ABI3BP: variants seen among roughly 807,000 people sequenced by gnomAD.
ABI3BP encodes target of Nesh-SH3.
Under a neutral mutation model 268.6 loss-of-function variants are expected in ABI3BP, and 216 were observed. The observed-to-expected ratio is 0.80, with a 90% CI of 0.72 to 0.90. ABI3BP has a LOEUF of 0.90. Among genes scored for constraint, ABI3BP ranks in the 40% least tolerant of loss-of-function variants. The pLI is 0.00. For missense variants in ABI3BP, 2,090 were observed against 2,182.4 expected (o/e 0.96, Z 0.84); for synonymous variants, 730 against 730.0 (o/e 1.00, Z 0.00).
chr3:100,825,901 T>C (rs892856571), intron 34 of ABI3BP, 57 bp from the exon 35 acceptor site: 1 of 1,283,110 alleles, frequency 7.8e-7, no homozygotes, highest in Non-Finnish European at 1.1e-6. Context: ...GCTATAGTAT[T>C]CACATCAAAA....
chr3:100,793,922 T>C (rs1336578862), intron 54 of ABI3BP, among the ~76,000 whole-genome samples: 1 of 152,020 alleles, frequency 6.6e-6, no homozygotes, highest in Non-Finnish European at 1.5e-5. Flanking sequence ...TGTGTTGAAC[T>C]CCTTGAAAGC....
rs2149206676 is a variant in ABI3BP at position 100,751,567 on chromosome 3, A to G, written c.5230T>C (p.Leu1744=). The G allele has an allele frequency of 1.3e-6, 2 of 1,590,474 alleles. No individual in the cohort carries two copies. The highest frequency in any genetic ancestry group is 1.7e-6 in the Non-Finnish European group (2 of 1,167,186). Residue 1744 remains leucine, a synonymous_variant, in exon 67 of 68, where the codon TTA becomes CTA. Transcript: ENST00000471714. ...GAAAACATACCTTCTTTGATTGGTA[A>G]CTGGTCAGAAGTGAGTTGCTGCCCA... is the stretch of plus-strand genomic sequence containing the variant. The part of the protein sequence containing the change: ...RTGQQLTSDQ[L]PIKEGYFRAV...
At chr3:100,757,874 A>G (rs2149424343) in intron 63 of ABI3BP, among the ~76,000 whole-genome samples, 1 of 152,302 alleles carries the variant, frequency 6.6e-6, no homozygotes, top group Non-Finnish European at 1.5e-5. Context: ...AGCAACAGGG[A>G]GGAGATGCTT....
At chr3:100,974,332 A>AC (rs2085054207) in intron 1 of ABI3BP, among the ~76,000 whole-genome samples, 1 of 152,236 alleles carries the variant, frequency 6.6e-6, no homozygotes, top group African/African-American at 2.4e-5. Context: ...TTTTATTCAT[A>AC]TTGGCCCCAA....
At chr3:100,786,136 C>T (rs2097035196) in intron 57 of ABI3BP, among the ~76,000 whole-genome samples, 1 of 152,122 alleles carries the variant, frequency 6.6e-6, no homozygotes, top group Admixed American at 6.6e-5. Flanking sequence ...GGCAGCAAGT[C>T]CTTCCTTGAC....
At chr3:100,907,618 A>C (rs2054038144) in intron 2 of ABI3BP, among the ~76,000 whole-genome samples, 1 of 152,184 alleles carries the variant, frequency 6.6e-6, no homozygotes, top group Non-Finnish European at 1.5e-5. Flanking sequence ...CAAGAGAGGA[A>C]AATGTTCAAA....
At chr3:100,858,382 G>T (rs946295701) in intron 14 of ABI3BP, among the ~76,000 whole-genome samples, 3 of 152,168 alleles carry the variant, frequency 2.0e-5, no homozygotes, top group Non-Finnish European at 4.4e-5. Flanking sequence ...TATATTTGAT[G>T]ACTACACATC....
intron 10 of ABI3BP, among the ~76,000 whole-genome samples, chr3:100,865,262 A>G (rs1055914156): frequency 2.0e-5 from 3 of 152,224 alleles, no homozygotes; most frequent in Non-Finnish European, 4.4e-5. Flanking sequence ...ATTACTTTTT[A>G]AATCATTTAT....
chr3:100,859,856 A>G (rs1455801090), intron 14 of ABI3BP, among the ~76,000 whole-genome samples: 4 of 152,174 alleles, frequency 2.6e-5, no homozygotes, highest in Non-Finnish European at 5.9e-5. Flanking sequence ...TACTGGTACC[A>G]TGTAAAAACA....
chr3:100,772,754 G>A (rs1324517151), intron 61 of ABI3BP, among the ~76,000 whole-genome samples: 1 of 152,116 alleles, frequency 6.6e-6, no homozygotes, highest in Non-Finnish European at 1.5e-5. Context: ...AATATCAATA[G>A]CCATATTAAA....
At chr3:100,806,266 A>C (rs1428872199) in intron 50 of ABI3BP, among the ~76,000 whole-genome samples, 2 of 152,092 alleles carry the variant, frequency 1.3e-5, no homozygotes, top group African/African-American at 4.8e-5. Flanking sequence ...AGTTGTAAAT[A>C]CTATTGTTAG....
intron 9 of ABI3BP, among the ~76,000 whole-genome samples, chr3:100,868,905 A>G (rs887023285): frequency 2.0e-5 from 3 of 152,158 alleles, no homozygotes; most frequent in African/African-American, 7.2e-5. Flanking sequence ...TTGTCAACAC[A>G]GAAAAAAATT....
chr3:100,823,493 G>T lies in ABI3BP; in HGVS notation c.2768C>A (p.Pro923His), dbSNP rs1389475875. The change falls in exon 37 of 68, where the codon CCT becomes CAT. Residue 923 changes from proline (P) to histidine (H), a missense_variant. By Grantham distance (77) the Pro-to-His change is moderately conservative. Coordinates refer to ENST00000471714, the MANE Select transcript of ABI3BP (RefSeq NM_001375547.2). ...TGAGGCCTCAGGTCTAAGAGTGACA[G>T]GTTCTAGGACTGTAGCAGGAACTGA... is the stretch of plus-strand genomic sequence containing the variant. Reference protein sequence around the residue: ...TKPVPATVLEPVTLRPEASTT... With the variant: ...TKPVPATVLEHVTLRPEASTT... The T allele has an allele frequency of 1.3e-6, 2 of 1,534,832 alleles. No homozygotes were observed. The highest frequency in any genetic ancestry group is 1.7e-6 in the Non-Finnish European group (2 of 1,146,264).
chr3:100,823,447 A>G lies in ABI3BP; in HGVS notation c.2803+11T>C, dbSNP rs562865949. 8 of 1,530,888 alleles carry G rather than the reference A, an allele frequency of 5.2e-6. No individual in the cohort carries two copies. The highest frequency in any genetic ancestry group is 7.0e-6 in the Non-Finnish European group (8 of 1,144,126). The allele number at this position is 1,530,888 out of a possible 1,614,324, so 94.8% of individuals were successfully genotyped here. A position where few individuals can be genotyped will look rare whatever the true frequency, so the allele number is the denominator to read the frequency against. On this transcript the variant is annotated intron_variant, in intron 37 of 67. Coordinates refer to ENST00000471714, the MANE Select transcript of ABI3BP (RefSeq NM_001375547.2). ...AAAAGAAGCTTGTCGAAAACACTGTATCAACGTTACCTAATGTTGTTGAGG... is the reference window on the plus strand; with the variant it reads ...AAAAGAAGCTTGTCGAAAACACTGTGTCAACGTTACCTAATGTTGTTGAGG...
intron 49 of ABI3BP, 56 bp downstream of exon 49, chr3:100,810,356 T>C (rs543365172): frequency 7.0e-7 from 1 of 1,428,722 alleles, no homozygotes; most frequent in South Asian, 1.2e-5. Flanking sequence ...GAGGTGACCA[T>C]ACTGACATTC....
Position 100,840,819 on chromosome 3 carries a change from C to A in ABI3BP, c.1804+1G>T, listed in dbSNP as rs766527487. 48 of 1,534,422 alleles carry A rather than the reference C, an allele frequency of 3.1e-5. No individual in the cohort carries two copies. The highest frequency in any genetic ancestry group is 4.0e-5 in the Non-Finnish European group (46 of 1,145,804). On this transcript the variant is annotated splice_donor_variant, in intron 22 of 67. Coordinates refer to ENST00000471714, the MANE Select transcript of ABI3BP (RefSeq NM_001375547.2). LOFTEE classifies it high-confidence loss of function. ...AGGTCACCCACTCAATACTCTATTA[C>A]CTAATGTTGTTGAAGGTTTGGTTCC... is the stretch of plus-strand genomic sequence containing the variant.
At chr3:100,907,466 C>T (rs764790511) in intron 2 of ABI3BP, among the ~76,000 whole-genome samples, 1 of 152,098 alleles carries the variant, frequency 6.6e-6, no homozygotes, top group Non-Finnish European at 1.5e-5. Context: ...TGTACTTCAG[C>T]CTGGGTGACA....
chr3:100,753,927 G>A (rs2095476729), intron 64 of ABI3BP, 79 bp from the exon 65 acceptor site: 2 of 1,392,492 alleles, frequency 1.4e-6, no homozygotes, highest in African/African-American at 1.4e-5. Context: ...AGATGATGGG[G>A]GCTTACACTT....
chr3:100,797,923 T>TC (rs1560192587), intron 51 of ABI3BP, among the ~76,000 whole-genome samples: 1 of 152,076 alleles, frequency 6.6e-6, no homozygotes, highest in African/African-American at 2.4e-5. Flanking sequence ...GTGGTTTTTT[T>TC]TGGGATTCAA....
Sources: gnomAD v4.1 joint callset for allele counts (sites outside exome capture counted in the v4.1 genomes callset) on GRCh38, gnomAD v4.1.1 for gene constraint, MANE v1.5 for transcripts, NCBI Gene and HGNC (gene_info 2026-07-23, HGNC 2026-07-21) for gene names.